Variants in NAA35 observed in about 807,000 individuals in gnomAD.
NAA35 encodes the protein N-alpha-acetyltransferase 35, NatC auxiliary subunit, also known as MAK10 homolog, amino-acid N-acetyltransferase subunit.
NAA35 carries 18 observed loss-of-function variants against 101.7 expected under a neutral mutation model. The observed-to-expected ratio is 0.18, with a 90% CI of 0.12 to 0.26. NAA35 has a LOEUF of 0.26. NAA35 is among the 10% of genes least tolerant of loss of function. The pLI, the probability that NAA35 is intolerant of heterozygous loss-of-function variation, is 1.00. For missense variants in NAA35, 601 were observed against 886.8 expected, an observed-to-expected ratio of 0.68 and a Z score of 4.09; for synonymous variants, 267 against 273.1, an observed-to-expected ratio of 0.98 and a Z score of 0.22.
chr9:86,021,561 G>A (rs1832556431), intron 22 of NAA35, among the ~76,000 whole-genome samples: 1 of 152,098 alleles, frequency 6.6e-6, no homozygotes, highest in African/African-American at 2.4e-5. Flanking sequence ...TCATTGCTTA[G>A]TTCTATCAGT....
intron 6 of NAA35, among the ~76,000 whole-genome samples, chr9:85,964,310 G>T (rs1311652934): frequency 1.3e-5 from 2 of 152,060 alleles, no homozygotes; most frequent in Non-Finnish European, 2.9e-5. Context: ...ATGTATATAT[G>T]TATGTATGTC....
intron 2 of NAA35, among the ~76,000 whole-genome samples, chr9:85,944,130 G>T (rs1828649506): frequency 6.6e-6 from 1 of 152,160 alleles, no homozygotes; most frequent in Non-Finnish European, 1.5e-5. Flanking sequence ...AAGTAATGTA[G>T]TAAGCTTTAT....
intron 2 of NAA35, 36 bp from the exon 3 acceptor site, chr9:85,956,324 A>C: frequency 8.0e-7 from 1 of 1,247,430 alleles, no homozygotes; most frequent in African/African-American, 1.6e-5. Flanking sequence ...GTTAAATATA[A>C]ATATGTTCAA....
At chr9:85,974,353 G>T (rs1344757353) in intron 6 of NAA35, among the ~76,000 whole-genome samples, 1 of 152,128 alleles carries the variant, frequency 6.6e-6, no homozygotes, top group Non-Finnish European at 1.5e-5. Flanking sequence ...GACAGTAAAT[G>T]TATTTTCTTC....
chr9:85,974,870 G>T, intron 6 of NAA35, 97 bp from the exon 7 acceptor site: 1 of 820,564 alleles, frequency 1.2e-6, no homozygotes, highest in East Asian at 2.5e-5. Flanking sequence ...TTATTAAATA[G>T]TGATTTTGTA....
chr9:85,976,058 C>T (rs944748659), intron 8 of NAA35, among the ~76,000 whole-genome samples: 2 of 152,032 alleles, frequency 1.3e-5, no homozygotes, highest in African/African-American at 4.8e-5. Flanking sequence ...CAGTTAGACA[C>T]ACACAGTGCT....
chr9:85,986,400 A>T, intron 11 of NAA35: 1 of 469,930 alleles, frequency 2.1e-6, no homozygotes, highest in Admixed American at 2.3e-5. Context: ...GTGTGCAGGC[A>T]TGTAATTTGT....
chr9:86,000,640 T>C (rs1721440097), intron 12 of NAA35, among the ~76,000 whole-genome samples: 2 of 152,106 alleles, frequency 1.3e-5, no homozygotes, highest in Non-Finnish European at 2.9e-5. Context: ...GGTGTATGTG[T>C]CCAGGAATTT....
intron 16 of NAA35, 31 bp from the exon 17 acceptor site, chr9:86,013,688 G>A (rs778768922): frequency 1.8e-5 from 28 of 1,572,770 alleles, no homozygotes; most frequent in Admixed American, 5.2e-5. Flanking sequence ...AAAACAAAAC[G>A]AACACAGTTT....
At chr9:85,941,846 G>A (rs1209371098) in intron 1 of NAA35, 7 of 1,066,854 alleles carry the variant, frequency 6.6e-6, no homozygotes, top group Non-Finnish European at 7.9e-6. Context: ...AAAGTTGGAA[G>A]CTCTGGAGTT....
intron 2 of NAA35, among the ~76,000 whole-genome samples, chr9:85,945,265 CCTT>C (rs924352630): frequency 3.3e-5 from 5 of 151,894 alleles, no homozygotes; most frequent in Non-Finnish European, 5.9e-5. Context: ...TGTGAGGTAT[CCTT>C]CTTGGAACTA....
At chr9:85,942,880 T>G (rs1159582614) in intron 2 of NAA35, among the ~76,000 whole-genome samples, 1 of 152,222 alleles carries the variant, frequency 6.6e-6, no homozygotes, top group Non-Finnish European at 1.5e-5. Context: ...TTTCACACAA[T>G]TCTTCTTAAG....
chr9:86,003,986 G>C (rs1484837797), intron 13 of NAA35, among the ~76,000 whole-genome samples: 1 of 152,186 alleles, frequency 6.6e-6, no homozygotes, highest in East Asian at 1.9e-4. Flanking sequence ...ATGGGTCAAA[G>C]ACAGAGGTCT....
intron 2 of NAA35, among the ~76,000 whole-genome samples, chr9:85,946,313 G>GT (rs1828761060): frequency 1.3e-5 from 2 of 151,908 alleles, no homozygotes; most frequent in African/African-American, 2.4e-5. Flanking sequence ...GGCTTATTTT[G>GT]TTTTTTGTAG....
At chr9:85,955,464 G>C (rs948704222) in intron 2 of NAA35, among the ~76,000 whole-genome samples, 4 of 145,906 alleles carry the variant, frequency 2.7e-5, no homozygotes, top group Non-Finnish European at 6.0e-5. Flanking sequence ...CTTGGTTCAC[G>C]CCATTCTCCT....
Position 85,946,830 on chromosome 9 carries a change from C to A in NAA35, c.124+4547C>A, listed in dbSNP as rs182350516. On this transcript the variant is annotated intron_variant, in intron 2 of 22. Transcript: ENST00000361671. ...CCGTAGTCAGTCTTTATTATTAGCA[C>A]CATTGGTTAAGGCCTTCCATATCCA... Among the ~76,000 whole-genome samples the A allele has an allele frequency of 1.4e-3, 209 of 152,222 alleles. 4 individuals are homozygous for A. The highest frequency in any genetic ancestry group is 0.013 in the Admixed American group (199 of 15,292).
chr9:85,986,625 C>T, intron 11 of NAA35: 1 of 356,880 alleles, frequency 2.8e-6, no homozygotes, highest in Non-Finnish European at 5.4e-6. Context: ...ACTATTGTTG[C>T]CTAGGCTGGA....
intron 4 of NAA35, 22 bp downstream of exon 4, chr9:85,958,608 G>A: frequency 2.7e-6 from 4 of 1,497,032 alleles, no homozygotes; most frequent in Non-Finnish European, 3.7e-6. Context: ...TGTACTTTTT[G>A]TGTTTCCATT....
intron 1 of NAA35, chr9:85,941,740 AG>A: frequency 1.0e-6 from 1 of 988,024 alleles, no homozygotes; most frequent in Non-Finnish European, 1.2e-6. Flanking sequence ...GGCCAGATGA[AG>A]GGCTACCTTG....
Sources: gnomAD v4.1 joint callset for allele counts (sites outside exome capture counted in the v4.1 genomes callset) on GRCh38, gnomAD v4.1.1 for gene constraint, MANE v1.5 for transcripts, NCBI Gene and HGNC (gene_info 2026-07-23, HGNC 2026-07-21) for gene names.